The following ZNF90 variants were observed in gnomAD, a reference collection of about 807,000 sequenced individuals.
The protein encoded by ZNF90 is zinc finger protein 90.
A neutral mutation model predicts 12.0 loss-of-function variants in ZNF90; 11 were observed. The ratio of observed to expected loss-of-function variants is 0.92; its 90% CI spans 0.58 to 1.52. The LOEUF (loss-of-function observed/expected upper bound fraction) is 1.52, where lower values mean the gene tolerates loss of function less well. ZNF90 is among the 40% of genes most tolerant of loss of function. ZNF90 has a pLI of 0.00. For synonymous variants in ZNF90, 232 were observed against 240.1 expected, an observed-to-expected ratio of 0.97 and a Z score of 0.31; for missense variants, 765 against 711.5, an observed-to-expected ratio of 1.08 and a Z score of -0.86.
intron 1 of ZNF90, among the ~76,000 whole-genome samples, chr19:20,094,617 T>TA (rs1203390182): frequency 1.3e-5 from 2 of 152,228 alleles, no homozygotes; most frequent in African/African-American, 4.8e-5. Context: ...GGAACTGCTC[T>TA]AATGCCTTCC....
intron 3 of ZNF90, among the ~76,000 whole-genome samples, chr19:20,113,916 C>G (rs2089113985): frequency 6.6e-6 from 1 of 152,082 alleles, no homozygotes. Context: ...AAGATAATTT[C>G]AAAACAATAC....
At chr19:20,104,190 C>A in intron 1 of ZNF90, 49 bp from the exon 2 acceptor site, 1 of 1,606,750 alleles carries the variant, frequency 6.2e-7, no homozygotes, top group Non-Finnish European at 8.5e-7. Flanking sequence ...ACAAACTTTG[C>A]CCATGACCAC....
chr19:20,116,979 T>TA lies in ZNF90; in HGVS notation c.227-786dup, dbSNP rs35276420. ...AGATGTATGTGCCAATGTTTTTCTTTAAAAAAAAAAAAAAAAGAATTGGCA... is the reference window on the plus strand; with the variant it reads ...AGATGTATGTGCCAATGTTTTTCTTTAAAAAAAAAAAAAAAAAGAATTGGCA... On this transcript the variant is annotated intron_variant, in intron 3 of 3. Transcript: ENST00000418063. Among the ~76,000 whole-genome samples the TA allele has an allele frequency of 1.9e-3, 260 of 135,250 alleles. 1 individual carries two copies. Among genetic ancestry groups the TA allele is most frequent in the African/African-American group, 3.7e-3 (133 of 35,618 alleles). 88.7% of individuals were successfully genotyped at this position (135,250 alleles called of 152,430 possible).
chr19:20,079,578 A>T (rs2088804973), intron 1 of ZNF90, among the ~76,000 whole-genome samples: 1 of 152,188 alleles, frequency 6.6e-6, no homozygotes, highest in Non-Finnish European at 1.5e-5. Context: ...AAAGAAGTTT[A>T]GAAAGGAGGT....
chr19:20,094,265 A>G (rs1321102625), intron 1 of ZNF90, among the ~76,000 whole-genome samples: 2 of 152,112 alleles, frequency 1.3e-5, no homozygotes, highest in African/African-American at 4.8e-5. Context: ...CTTGAAGGTG[A>G]GGTTGATTAA....
intron 3 of ZNF90, among the ~76,000 whole-genome samples, chr19:20,113,968 T>C (rs1274073170): frequency 1.7e-4 from 26 of 152,290 alleles, no homozygotes; most frequent in African/African-American, 6.3e-4. Flanking sequence ...TACTTATGTG[T>C]TATGTGTCAA....
At chr19:20,112,744 TG>T (rs1312137785) in intron 3 of ZNF90, among the ~76,000 whole-genome samples, 5 of 152,206 alleles carry the variant, frequency 3.3e-5, no homozygotes, top group Non-Finnish European at 7.3e-5. Flanking sequence ...TGGTTAGAAA[TG>T]TTTTTTTGTT....
intron 3 of ZNF90, among the ~76,000 whole-genome samples, chr19:20,117,073 C>G (rs147753183): frequency 1.0e-3 from 150 of 143,362 alleles, no homozygotes; most frequent in African/African-American, 4.1e-3. Flanking sequence ...GACAGAATGT[C>G]ATTCTGTTCC....
intron 3 of ZNF90, among the ~76,000 whole-genome samples, chr19:20,111,559 C>T (rs997286642): frequency 4.6e-5 from 7 of 152,028 alleles, no homozygotes; most frequent in Admixed American, 4.6e-4. Flanking sequence ...AGAAAAATTA[C>T]CAGTTATATA....
At chr19:20,089,990 A>G (rs2088889576) in intron 1 of ZNF90, among the ~76,000 whole-genome samples, 2 of 152,180 alleles carry the variant, frequency 1.3e-5, no homozygotes, top group Admixed American at 6.5e-5. Context: ...TGAGCATAAA[A>G]GTAAAGAGTA....
intron 1 of ZNF90, among the ~76,000 whole-genome samples, chr19:20,100,395 C>T (rs1024157546): frequency 6.6e-6 from 1 of 152,218 alleles, no homozygotes; most frequent in Non-Finnish European, 1.5e-5. Context: ...GCAGGCCATA[C>T]ATTTCAATCC....
Position 20,083,776 on chromosome 19 carries a change from TCTTA to T in ZNF90, c.3+5646_3+5649del, listed in dbSNP as rs1169604763. 1.1e-4 allele frequency among the ~76,000 whole-genome samples: 16 copies of T among 152,332 alleles called. No individual in the cohort carries two copies. The East Asian group carries it at 2.9e-3, about 28-fold the overall frequency. On this transcript the variant is annotated intron_variant, in intron 1 of 3. Transcript: ENST00000418063. ...AAATCTTTTATTTTTGGAGACAGGG[TCTTA>T]CTTATTGTTCAGGCTAGAGTGCTGT...
At chr19:20,091,444 T>C (rs1284063907) in intron 1 of ZNF90, among the ~76,000 whole-genome samples, 2 of 152,128 alleles carry the variant, frequency 1.3e-5, no homozygotes, top group African/African-American at 2.4e-5. Flanking sequence ...GAAGAAGATA[T>C]TTTCCTTGGT....
At chr19:20,100,418 C>A (rs1181724712) in intron 1 of ZNF90, among the ~76,000 whole-genome samples, 2 of 152,196 alleles carry the variant, frequency 1.3e-5, no homozygotes, top group African/African-American at 4.8e-5. Flanking sequence ...GTATCATTAA[C>A]CTCCTTGTTA....
chr19:20,105,517 T>A (rs1449042015), intron 3 of ZNF90, among the ~76,000 whole-genome samples: 1 of 152,230 alleles, frequency 6.6e-6, no homozygotes, highest in Admixed American at 6.5e-5. Flanking sequence ...TTTCTAAGGA[T>A]TCTACTTTTC....
intron 1 of ZNF90, among the ~76,000 whole-genome samples, chr19:20,099,208 G>A (rs2088970963): frequency 2.0e-5 from 3 of 151,542 alleles, no homozygotes; most frequent in African/African-American, 4.9e-5. Context: ...GTGTCTCACT[G>A]TGTCACCCAG....
intron 1 of ZNF90, among the ~76,000 whole-genome samples, chr19:20,081,774 T>TG (rs1381975401): frequency 4.6e-5 from 7 of 151,738 alleles, no homozygotes; most frequent in Admixed American, 1.3e-4. Context: ...TTCTTCTTTT[T>TG]TTTTTTTTGA....
At chr19:20,081,110 C>G (rs2088816801) in intron 1 of ZNF90, among the ~76,000 whole-genome samples, 1 of 152,170 alleles carries the variant, frequency 6.6e-6, no homozygotes, top group Non-Finnish European at 1.5e-5. Flanking sequence ...CCCACCTACT[C>G]ACAAACACAC....
rs1226790891 is a variant in ZNF90, at chr19:20,120,567, AAT to A, written c.*1212_*1213del. 6.6e-5 allele frequency among the ~76,000 whole-genome samples: 10 copies of A among 152,212 alleles called. No homozygotes were observed. ...GAAAACACCAGAGAGTTGATACTAA[AAT>A]ATATGTTTGCAGAAACAGTAAATAT... On this transcript the variant is annotated 3_prime_UTR_variant, in exon 4 of 4. Transcript: ENST00000418063.
Sources: allele counts gnomAD v4.1 joint callset (sites outside exome capture counted in the v4.1 genomes callset), GRCh38; gene constraint gnomAD v4.1.1; transcripts MANE v1.5; gene names NCBI Gene and HGNC (gene_info 2026-07-23, HGNC 2026-07-21).